MALRD1: variants seen among roughly 807,000 people sequenced by gnomAD.
The protein encoded by MALRD1 is MAM and LDL-receptor class A domain-containing protein 1.
Under a neutral mutation model 242.1 loss-of-function variants are expected in MALRD1, and 247 were observed. That is an observed-to-expected ratio of 1.02 (90% CI 0.92 to 1.13). The LOEUF (loss-of-function observed/expected upper bound fraction) is 1.13. Ranked by LOEUF, MALRD1 falls within the 50% of genes most tolerant of loss-of-function variation. MALRD1 has a pLI of 0.00. For synonymous variants in MALRD1, 995 were observed against 866.6 expected (o/e 1.15, Z -2.60); for missense variants, 2,989 against 2,533.1 (o/e 1.18, Z -3.86).
intron 24 of MALRD1, among the ~76,000 whole-genome samples, chr10:19,345,254 A>G (rs1844063496): frequency 6.6e-6 from 1 of 152,090 alleles, no homozygotes; most frequent in African/African-American, 2.4e-5. Flanking sequence ...TGTTTACATG[A>G]ATGAAAATAT....
chr10:19,189,710 A>C (rs1835892047), intron 14 of MALRD1, among the ~76,000 whole-genome samples: 3 of 152,144 alleles, frequency 2.0e-5, no homozygotes, highest in Admixed American at 2.0e-4. Flanking sequence ...AAAGAAAAAA[A>C]CACGTGATCA....
chr10:19,330,280 A>G (rs956262463), intron 23 of MALRD1, among the ~76,000 whole-genome samples: 2 of 151,936 alleles, frequency 1.3e-5, no homozygotes, highest in Non-Finnish European at 2.9e-5. Flanking sequence ...CAATTATTCC[A>G]ACCTCTCATG....
At chr10:19,168,567 A>T (rs1834795679) in intron 13 of MALRD1, among the ~76,000 whole-genome samples, 2 of 152,134 alleles carry the variant, frequency 1.3e-5, no homozygotes, top group African/African-American at 4.8e-5. Flanking sequence ...CAGTGAATGC[A>T]ATTTTTGTTT....
intron 34 of MALRD1, among the ~76,000 whole-genome samples, chr10:19,602,972 C>A (rs1403360334): frequency 6.6e-6 from 1 of 152,116 alleles, no homozygotes; most frequent in African/African-American, 2.4e-5. Flanking sequence ...TTTCATGTGT[C>A]TGTTGGCTGC....
At chr10:19,107,769 T>G (rs1836520799) in intron 5 of MALRD1, among the ~76,000 whole-genome samples, 1 of 152,204 alleles carries the variant, frequency 6.6e-6, no homozygotes, top group Middle Eastern at 3.4e-3. Flanking sequence ...AAGCTTTGAT[T>G]CTTTTCTATT....
At chr10:19,215,567 A>T (rs1488123880) in intron 18 of MALRD1, among the ~76,000 whole-genome samples, 2 of 152,054 alleles carry the variant, frequency 1.3e-5, no homozygotes, top group African/African-American at 2.4e-5. Context: ...CAGTGATTTC[A>T]CCGTTCTTTC....
Position 19,104,084 on chromosome 10 carries a change from T to G in MALRD1, c.694+9T>G. On this transcript the variant is annotated intron_variant, in intron 5 of 39. Coordinates refer to ENST00000454679, the MANE Select transcript of MALRD1 (RefSeq NM_001142308.3). Reference sequence around the variant, plus strand: ...CTGCTTGCCTGCCAATGGTAAGAACTTTTTCTCTCATTTTGATCTTTACTG... The same window carrying G: ...CTGCTTGCCTGCCAATGGTAAGAACGTTTTCTCTCATTTTGATCTTTACTG... 1 of 1,219,514 alleles carries G rather than the reference T, an allele frequency of 8.2e-7. No individual in the cohort carries two copies. The highest frequency in any genetic ancestry group is 1.0e-6 in the Non-Finnish European group (1 of 975,172). 75.5% of individuals were successfully genotyped at this position (1,219,514 alleles called of 1,614,324 possible).
chr10:19,672,107 T>C (rs1841948695), intron 36 of MALRD1, among the ~76,000 whole-genome samples: 1 of 152,130 alleles, frequency 6.6e-6, no homozygotes, highest in Admixed American at 6.5e-5. Flanking sequence ...CCTATTCTTA[T>C]TCCAGAGAGT....
At chr10:19,220,875 A>G (rs1283895835) in intron 18 of MALRD1, among the ~76,000 whole-genome samples, 4 of 152,152 alleles carry the variant, frequency 2.6e-5, no homozygotes, top group African/African-American at 4.8e-5. Context: ...AGGTCTTACA[A>G]TCTTCAACCC....
At chr10:19,366,097 A>G (rs1366225166) in intron 26 of MALRD1, among the ~76,000 whole-genome samples, 1 of 152,018 alleles carries the variant, frequency 6.6e-6, no homozygotes, top group Non-Finnish European at 1.5e-5. Context: ...GGATGATTCA[A>G]GTATATTACA....
intron 13 of MALRD1, among the ~76,000 whole-genome samples, chr10:19,172,173 A>T (rs906929620): frequency 7.3e-6 from 1 of 137,384 alleles, no homozygotes. Context: ...ATATATACAC[A>T]TACATATATA....
chr10:19,304,855 G>T (rs1223161165), intron 21 of MALRD1, among the ~76,000 whole-genome samples: 1 of 151,738 alleles, frequency 6.6e-6, no homozygotes, highest in African/African-American at 2.4e-5. Flanking sequence ...CACAATGCCT[G>T]TTTTGTTTTC....
At chr10:19,249,248 G>A (rs891448615) in intron 18 of MALRD1, among the ~76,000 whole-genome samples, 2 of 151,684 alleles carry the variant, frequency 1.3e-5, no homozygotes, top group African/African-American at 4.8e-5. Flanking sequence ...AAGGAGGACA[G>A]TCATGGCAAA....
intron 14 of MALRD1, among the ~76,000 whole-genome samples, chr10:19,190,247 A>AT (rs1355845843): frequency 1.3e-5 from 2 of 152,078 alleles, no homozygotes; most frequent in African/African-American, 4.8e-5. Flanking sequence ...ATTAATCAAG[A>AT]TGGTGAAAGA....
chr10:19,487,595 A>C (rs1347460765), intron 29 of MALRD1, among the ~76,000 whole-genome samples: 2 of 151,530 alleles, frequency 1.3e-5, no homozygotes, highest in African/African-American at 4.9e-5. Flanking sequence ...CCTGTGGAGT[A>C]ATTATATGGC....
At position 19,729,452 on chromosome 10, in the gene MALRD1, C is replaced by T. The variant is rs1387599575; in HGVS notation, c.6315-1254C>T. On this transcript the variant is annotated intron_variant, in intron 38 of 39. Transcript: ENST00000454679. ...TATCATACATTATATATTTGTTACT[C>T]GTGTCATTAAGCTCTTAAAACAATC... Among the ~76,000 whole-genome samples, 5 of 152,090 alleles carry T rather than the reference C, an allele frequency of 3.3e-5. No homozygotes were observed. In the East Asian group the frequency reaches 7.7e-4, roughly 24 times the overall value.
intron 31 of MALRD1, among the ~76,000 whole-genome samples, chr10:19,505,886 A>C (rs1833106044): frequency 6.6e-6 from 1 of 152,212 alleles, no homozygotes; most frequent in African/African-American, 2.4e-5. Flanking sequence ...TTGGGGTTAC[A>C]CAGGATCATC....
At chr10:19,585,184 G>A (rs185390950) in intron 33 of MALRD1, among the ~76,000 whole-genome samples, 1 of 152,080 alleles carries the variant, frequency 6.6e-6, no homozygotes, top group Admixed American at 6.6e-5. Flanking sequence ...TATCCAATTT[G>A]CCGGTCTGTG....
intron 18 of MALRD1, among the ~76,000 whole-genome samples, chr10:19,213,312 G>A (rs1837156864): frequency 6.6e-6 from 1 of 152,092 alleles, no homozygotes; most frequent in South Asian, 2.1e-4. Flanking sequence ...TATTTTGAGA[G>A]GTGTCTATCT....
Sources: allele counts gnomAD v4.1 joint callset (sites outside exome capture counted in the v4.1 genomes callset), GRCh38; gene constraint gnomAD v4.1.1; transcripts MANE v1.5; gene names NCBI Gene and HGNC (gene_info 2026-07-23, HGNC 2026-07-21).